Variants in EGFLAM observed in about 807,000 individuals in gnomAD.
EGFLAM encodes the protein pikachurin.
A neutral mutation model predicts 113.1 loss-of-function variants in EGFLAM; 79 were observed. The observed-to-expected ratio is 0.70, with a 90% CI of 0.58 to 0.84. The LOEUF is 0.84. EGFLAM is among the 40% of genes least tolerant of loss of function. The pLI is 0.00. For missense variants in EGFLAM, 1,265 were observed against 1,291.6 expected, an observed-to-expected ratio of 0.98 and a Z score of 0.32; for synonymous variants, 504 against 487.6, an observed-to-expected ratio of 1.03 and a Z score of -0.44.
chr5:38,316,722 C>T (rs1167301049), intron 1 of EGFLAM, among the ~76,000 whole-genome samples: 1 of 152,140 alleles, frequency 6.6e-6, no homozygotes, highest in Non-Finnish European at 1.5e-5. Context: ...CTCAGTGCAC[C>T]CTGAACACCC....
chr5:38,261,017 T>G (rs982550166), intron 1 of EGFLAM, among the ~76,000 whole-genome samples: 1 of 152,206 alleles, frequency 6.6e-6, no homozygotes, highest in East Asian at 1.9e-4. Flanking sequence ...GTGGCCACGG[T>G]GCAGGCATAC....
In EGFLAM at chr5:38,258,803, A is replaced by G. The variant is rs1757418617; in HGVS notation, c.49A>G (p.Ser17Gly). The change falls in exon 1 of 22, where the codon AGC becomes GGC. Residue 17 changes from serine (S) to glycine (G), a missense_variant. Transcript: ENST00000322350. ...GCTCCGGCTCCTGCTCCTGGCTTCC[A>G]GCCTCGGACCCGGCGCGGTGTCGCT... ...VLLRLLLLAS[S>G]LGPGAVSLRA... The G allele has an allele frequency of 6.2e-7, 1 of 1,612,390 alleles. No individual in the cohort carries two copies. The highest frequency in any genetic ancestry group is 8.5e-7 in the Non-Finnish European group (1 of 1,179,630).
rs1739592698 is a variant in EGFLAM at position 38,350,516 on chromosome 5, G to C, written c.307G>C (p.Asp103His). ...DIPTTEEVIGDLKPGTEYRVS... is the reference protein window; with the variant it reads ...DIPTTEEVIGHLKPGTEYRVS... ...TCATTGACAGGAGGAAGTGATTGGAGATTTGAAACCAGGCACTGAATATCG... is the reference window on the plus strand; with the variant it reads ...TCATTGACAGGAGGAAGTGATTGGACATTTGAAACCAGGCACTGAATATCG... The change falls in exon 4 of 22, where the codon GAT becomes CAT. Residue 103 changes from aspartate (D) to histidine (H), a missense_variant. Physicochemically the swap from Asp to His is moderately conservative, Grantham distance 81. Coordinates refer to ENST00000322350, the MANE Select transcript of EGFLAM (RefSeq NM_152403.4). 6.2e-7 allele frequency: 1 copy of C among 1,613,874 alleles called. No homozygotes were observed. Among genetic ancestry groups the C allele is most frequent in the Non-Finnish European group, 8.5e-7 (1 of 1,179,882 alleles).
At chr5:38,370,558 G>C in intron 6 of EGFLAM, 96 bp downstream of exon 6, 2 of 1,427,468 alleles carry the variant, frequency 1.4e-6, no homozygotes, top group Non-Finnish European at 1.9e-6. Flanking sequence ...CAGAAGGACA[G>C]CCTGGAAAAG....
chr5:38,287,261 A>G (rs1019088594), intron 1 of EGFLAM, among the ~76,000 whole-genome samples: 5 of 152,124 alleles, frequency 3.3e-5, no homozygotes, highest in Admixed American at 6.5e-5. Context: ...GGGATAAATC[A>G]TTTACCTTTT....
chr5:38,372,784 C>T (rs1740259015), intron 6 of EGFLAM, among the ~76,000 whole-genome samples: 2 of 152,172 alleles, frequency 1.3e-5, no homozygotes, highest in Admixed American at 1.3e-4. Flanking sequence ...ATTAGATGAC[C>T]TGTTTCATGA....
chr5:38,363,274 G>T (rs1739974910), intron 5 of EGFLAM, among the ~76,000 whole-genome samples: 1 of 152,268 alleles, frequency 6.6e-6, no homozygotes, highest in East Asian at 1.9e-4. Flanking sequence ...TTTGCCCTGG[G>T]TAATGTATGG....
chr5:38,369,778 C>T (rs529533872), intron 5 of EGFLAM, among the ~76,000 whole-genome samples: 12 of 152,308 alleles, frequency 7.9e-5, no homozygotes, highest in African/African-American at 2.6e-4. Flanking sequence ...AAAAATTCAG[C>T]ACATTGGCGT....
chr5:38,290,016 G>A (rs949816032), intron 1 of EGFLAM, among the ~76,000 whole-genome samples: 9 of 152,180 alleles, frequency 5.9e-5, no homozygotes, highest in African/African-American at 1.9e-4. Flanking sequence ...TTATTCAGGT[G>A]GACATTATTA....
chr5:38,365,712 C>T (rs1314050866), intron 5 of EGFLAM, among the ~76,000 whole-genome samples: 1 of 152,030 alleles, frequency 6.6e-6, no homozygotes, highest in African/African-American at 2.4e-5. Context: ...GGTAGTAAAG[C>T]TAAGTATTTT....
intron 19 of EGFLAM, among the ~76,000 whole-genome samples, chr5:38,454,284 C>T (rs535749060): frequency 5.9e-5 from 9 of 152,272 alleles, no homozygotes; most frequent in South Asian, 4.1e-4. Flanking sequence ...AACAAGCACC[C>T]GGGTGTTTCC....
chr5:38,341,562 T>C (rs1040843974), intron 3 of EGFLAM, among the ~76,000 whole-genome samples: 6 of 152,222 alleles, frequency 3.9e-5, no homozygotes, highest in Admixed American at 6.5e-5. Flanking sequence ...TATTACCAAG[T>C]TGTTTGGATA....
At chr5:38,463,473 A>G (rs1743359113) in intron 21 of EGFLAM, among the ~76,000 whole-genome samples, 1 of 152,236 alleles carries the variant, frequency 6.6e-6, no homozygotes, top group African/African-American at 2.4e-5. Context: ...TTGGTTTAAG[A>G]TGACATCACT....
At position 38,406,947 on chromosome 5, in the gene EGFLAM, C is replaced by T. The variant is rs376783393; in HGVS notation, c.948C>T (p.Leu316=). The T allele has an allele frequency of 6.2e-6, 10 of 1,614,198 alleles. No homozygotes were observed. In the African/African-American group the frequency reaches 9.3e-5, roughly 15 times the overall value. Residue 316 remains leucine (L), a synonymous_variant, in exon 8 of 22, where the codon CTC becomes CTT. Transcript: ENST00000322350. ...SRLIPPTSAS[L]PVTTVAPQPI... The stretch of plus-strand genomic sequence containing the variant: ...TCATCCCCCCTACCTCAGCATCTCT[C>T]CCTGTGACCACGGTGGCTCCCCAGC...
chr5:38,337,282 C>A (rs1187592774), intron 1 of EGFLAM, among the ~76,000 whole-genome samples: 1 of 152,100 alleles, frequency 6.6e-6, no homozygotes, highest in Non-Finnish European at 1.5e-5. Context: ...AGAAGTTACC[C>A]GAGAGAATAA....
intron 19 of EGFLAM, among the ~76,000 whole-genome samples, chr5:38,452,326 C>T (rs1054868341): frequency 6.6e-6 from 1 of 152,130 alleles, no homozygotes; most frequent in Non-Finnish European, 1.5e-5. Flanking sequence ...ATCACTGTGC[C>T]TGGCTTGTAC....
chr5:38,415,196 A>T (rs1362025794), intron 11 of EGFLAM, among the ~76,000 whole-genome samples: 1 of 151,340 alleles, frequency 6.6e-6, no homozygotes, highest in Non-Finnish European at 1.5e-5. Flanking sequence ...CCTTGTCTCT[A>T]CTAAAAATAT....
At chr5:38,272,446 G>T (rs1757787009) in intron 1 of EGFLAM, among the ~76,000 whole-genome samples, 1 of 152,172 alleles carries the variant, frequency 6.6e-6, no homozygotes, top group African/African-American at 2.4e-5. Context: ...AGGTCAAGTT[G>T]CGGGAAAAGG....
At chr5:38,297,820 GAA>G (rs1191870459) in intron 1 of EGFLAM, among the ~76,000 whole-genome samples, 1 of 152,184 alleles carries the variant, frequency 6.6e-6, no homozygotes, top group Non-Finnish European at 1.5e-5. Context: ...TCTCAGCTCT[GAA>G]AACCTCTCAC....
Sources: allele counts gnomAD v4.1 joint callset (sites outside exome capture counted in the v4.1 genomes callset), GRCh38; gene constraint gnomAD v4.1.1; transcripts MANE v1.5; gene names NCBI Gene and HGNC (gene_info 2026-07-23, HGNC 2026-07-21).